The following C8orf74 variants were observed in gnomAD, a reference collection of about 807,000 sequenced individuals.
C8orf74 encodes uncharacterized protein C8orf74.
A neutral mutation model predicts 22.2 loss-of-function variants in C8orf74; 29 were observed. The ratio of observed to expected loss-of-function variants is 1.31; its 90% confidence interval spans 0.97 to 1.78. C8orf74 has a LOEUF of 1.78. Ranked by LOEUF, C8orf74 falls within the 40% of genes most tolerant of loss-of-function variation. The pLI is 0.00. For missense variants in C8orf74, 515 were observed against 369.9 expected, an observed-to-expected ratio of 1.39 and a Z score of -3.22; for synonymous variants, 255 against 163.1, an observed-to-expected ratio of 1.56 and a Z score of -4.30.
rs369784572 is a variant in C8orf74, at chr8:10,686,671, C to T, written c.242-10928C>T. On this transcript the variant is annotated intron_variant, in intron 2 of 3. Transcript: ENST00000304519. ...TTGGATGGGAGACCGCCCTGGAATA[C>T]CTGGTGGTATTAAAAAATTAATTAA... The T allele has an allele frequency of 8.7e-4, 138 of 158,602 alleles. 2 individuals are homozygous for T. The Middle Eastern group carries it at 0.013, about 15-fold the overall frequency. The allele number at this position is 158,602 out of a possible 1,614,324, so 9.8% of individuals were successfully genotyped here.
chr8:10,684,899 C>T (rs892373770), intron 2 of C8orf74, among the ~76,000 whole-genome samples: 7 of 152,268 alleles, frequency 4.6e-5, no homozygotes, highest in Admixed American at 6.5e-5. Flanking sequence ...TGAGCATGAA[C>T]GCTGAGATAC....
At chr8:10,685,177 A>G (rs1485201886) in intron 2 of C8orf74, among the ~76,000 whole-genome samples, 1 of 152,226 alleles carries the variant, frequency 6.6e-6, no homozygotes, top group Admixed American at 6.5e-5. Flanking sequence ...TTAAGGGTGG[A>G]CTACTGTATC....
chr8:10,696,177 G>A (rs907628925), intron 2 of C8orf74, among the ~76,000 whole-genome samples: 2 of 151,962 alleles, frequency 1.3e-5, no homozygotes, highest in East Asian at 1.9e-4. Context: ...GATGATGGGA[G>A]AGCCCTGCCT....
chr8:10,673,835 C>G (rs1798966803), intron 1 of C8orf74: 1 of 152,130 alleles, frequency 6.6e-6, no homozygotes, highest in Non-Finnish European at 1.5e-5. Context: ...GTAGAGATGG[C>G]TTCTCAACTC....
At chr8:10,693,794 G>A (rs978846920) in intron 2 of C8orf74, among the ~76,000 whole-genome samples, 3 of 152,200 alleles carry the variant, frequency 2.0e-5, no homozygotes, top group Non-Finnish European at 4.4e-5. Context: ...TCCGAGGACG[G>A]CCAGGTCCTG....
intron 2 of C8orf74, among the ~76,000 whole-genome samples, chr8:10,680,672 G>T (rs1413741451): frequency 2.0e-5 from 3 of 152,220 alleles, no homozygotes; most frequent in African/African-American, 7.2e-5. Context: ...CTAACCAGCT[G>T]CCCACACTCA....
chr8:10,694,495 G>A (rs558542102), intron 2 of C8orf74, among the ~76,000 whole-genome samples: 2 of 152,214 alleles, frequency 1.3e-5, no homozygotes, highest in Non-Finnish European at 2.9e-5. Flanking sequence ...AAGAAGGAGG[G>A]TATGGTAATC....
intron 2 of C8orf74, among the ~76,000 whole-genome samples, chr8:10,686,196 C>A (rs938653594): frequency 2.6e-5 from 4 of 152,164 alleles, no homozygotes; most frequent in Non-Finnish European, 4.4e-5. Context: ...TTTCATATAT[C>A]TTCCATTCAC....
intron 2 of C8orf74, chr8:10,691,207 C>T (rs928363260): frequency 3.0e-6 from 1 of 332,080 alleles, no homozygotes; most frequent in Admixed American, 3.8e-5. Flanking sequence ...AGGACAAGGT[C>T]TACACTTGGT....
chr8:10,700,238 T>G lies in C8orf74; in HGVS notation c.652T>G (p.Leu218Val). 6.3e-7 allele frequency: 1 copy of G among 1,591,558 alleles called. No individual in the cohort carries two copies. The highest frequency in any genetic ancestry group is 8.6e-7 in the Non-Finnish European group (1 of 1,163,790). Residue 218 changes from leucine to valine, a missense_variant, in exon 4 of 4, where the codon TTG (leucine) becomes GTG (valine). Leu to Val is a conservative substitution (Grantham distance 32). Transcript: ENST00000304519. Reference sequence around the variant, plus strand: ...CGGCCTTCCCCTTTCCTTCCAGGAGTTGGAGAGCCTCATCTGCCAGGCAGT... The same window carrying G: ...CGGCCTTCCCCTTTCCTTCCAGGAGGTGGAGAGCCTCATCTGCCAGGCAGT... ...QPGQVLERQE[L>V]ESLICQAVHT...
At chr8:10,687,139 T>G (rs926378694) in intron 2 of C8orf74, 2 of 456,138 alleles carry the variant, frequency 4.4e-6, no homozygotes, top group Non-Finnish European at 8.8e-6. Flanking sequence ...AGAGGCCTGA[T>G]GATGGCAATG....
At chr8:10,696,747 T>C (rs139796016) in intron 2 of C8orf74, among the ~76,000 whole-genome samples, 200 of 152,204 alleles carry the variant, frequency 1.3e-3, no homozygotes, top group African/African-American at 4.6e-3. Flanking sequence ...CACGCCCCAC[T>C]GCCTCCTACT....
intron 2 of C8orf74, chr8:10,680,084 G>A (rs1799116845): frequency 6.6e-6 from 1 of 152,312 alleles, no homozygotes; most frequent in Admixed American, 6.5e-5. Flanking sequence ...TAATAAATGA[G>A]TCAATTCCCG....
At chr8:10,689,513 T>C (rs1799330268) in intron 2 of C8orf74, 1 of 152,244 alleles carries the variant, frequency 6.6e-6, no homozygotes, top group Non-Finnish European at 1.5e-5. Flanking sequence ...TTAAAGGGTC[T>C]CTCTGGCTGT....
intron 2 of C8orf74, chr8:10,691,484 G>C (rs1251526051): frequency 6.4e-6 from 1 of 157,472 alleles, no homozygotes; most frequent in African/African-American, 2.4e-5. Context: ...GTCAGGCCAG[G>C]CCAGGCTGGA....
intron 3 of C8orf74, among the ~76,000 whole-genome samples, chr8:10,698,228 T>TCC (rs1161367615): frequency 6.6e-6 from 1 of 152,144 alleles, no homozygotes; most frequent in African/African-American, 2.4e-5. Context: ...ACATTTTAAC[T>TCC]CGCCAAGGTC....
chr8:10,683,308 G>A (rs572744752), intron 2 of C8orf74, among the ~76,000 whole-genome samples: 1 of 152,234 alleles, frequency 6.6e-6, no homozygotes, highest in African/African-American at 2.4e-5. Flanking sequence ...TGTGCCCTTT[G>A]GCTAAGGTGT....
chr8:10,700,590 A>G lies in C8orf74; in HGVS notation c.*119A>G, dbSNP rs1352271292. On this transcript the variant is annotated 3_prime_UTR_variant, in exon 4 of 4. Coordinates refer to ENST00000304519, the MANE Select transcript of C8orf74 (RefSeq NM_001040032.2). ...TCTTGTGATTAAAAGAAACAAACCCATGCCATCATCTGGTCTCTGTCTTGG... is the reference window on the plus strand; with the variant it reads ...TCTTGTGATTAAAAGAAACAAACCCGTGCCATCATCTGGTCTCTGTCTTGG... The G allele has an allele frequency of 8.2e-6, 5 of 611,592 alleles. No homozygotes were observed. Among genetic ancestry groups the G allele is most frequent in the Non-Finnish European group, 1.4e-5 (5 of 357,528 alleles). 37.9% of individuals were successfully genotyped at this position (611,592 alleles called of 1,614,324 possible).
chr8:10,693,003 C>A (rs376110954), intron 2 of C8orf74: 1 of 152,294 alleles, frequency 6.6e-6, no homozygotes, highest in Admixed American at 6.5e-5. Context: ...AAGACTCCAT[C>A]GGGGGTAGGG....
Sources: gnomAD v4.1 joint callset for allele counts (sites outside exome capture counted in the v4.1 genomes callset) on GRCh38, gnomAD v4.1.1 for gene constraint, MANE v1.5 for transcripts, NCBI Gene and HGNC (gene_info 2026-07-23, HGNC 2026-07-21) for gene names.